AGBL4: variants seen among roughly 807,000 people sequenced by gnomAD.
The protein encoded by AGBL4 is cytosolic carboxypeptidase 6.
In AGBL4, 58 loss-of-function variants were observed where a neutral mutation model predicts 66.4. That is an observed-to-expected ratio of 0.87 (90% CI 0.71 to 1.09). The LOEUF (loss-of-function observed/expected upper bound fraction) is 1.09, where lower values mean the gene tolerates loss of function less well. AGBL4 is among the 50% of genes least tolerant of loss of function. AGBL4 has a pLI of 0.00. For missense variants in AGBL4, 579 were observed against 631.0 expected, an observed-to-expected ratio of 0.92 and a Z score of 0.88; for synonymous variants, 234 against 222.9, an observed-to-expected ratio of 1.05 and a Z score of -0.44.
intron 2 of AGBL4, among the ~76,000 whole-genome samples, chr1:49,749,416 G>A (rs886701385): frequency 1.3e-5 from 2 of 151,940 alleles, no homozygotes; most frequent in East Asian, 3.9e-4. Flanking sequence ...CAAATAAAAG[G>A]CATAAAGATT....
intron 5 of AGBL4, among the ~76,000 whole-genome samples, chr1:49,027,453 G>C (rs1043636297): frequency 6.6e-6 from 1 of 151,958 alleles, no homozygotes; most frequent in South Asian, 2.1e-4. Context: ...ATGAGCCACC[G>C]TGCCCAGCCT....
intron 6 of AGBL4, among the ~76,000 whole-genome samples, chr1:48,830,074 G>A (rs1302197355): frequency 1.3e-5 from 2 of 152,144 alleles, no homozygotes; most frequent in African/African-American, 4.8e-5. Flanking sequence ...TCTTAATGAT[G>A]CAGGCAGAAT....
intron 6 of AGBL4, among the ~76,000 whole-genome samples, chr1:48,670,193 G>T (rs1416464556): frequency 6.6e-6 from 1 of 152,228 alleles, no homozygotes; most frequent in East Asian, 1.9e-4. Flanking sequence ...ATATTAAACT[G>T]CTCTTTTGTC....
chr1:49,532,328 A>G (rs1651203719), intron 3 of AGBL4, among the ~76,000 whole-genome samples: 1 of 152,162 alleles, frequency 6.6e-6, no homozygotes, highest in African/African-American at 2.4e-5. Flanking sequence ...TGATGATTAC[A>G]TAACCCTAAA....
At chr1:49,818,095 A>G (rs1645275881) in intron 2 of AGBL4, among the ~76,000 whole-genome samples, 1 of 152,170 alleles carries the variant, frequency 6.6e-6, no homozygotes, top group Admixed American at 6.5e-5. Context: ...AAATGCAATG[A>G]CATTGATCCA....
intron 6 of AGBL4, among the ~76,000 whole-genome samples, chr1:48,787,043 G>C (rs959419859): frequency 3.3e-5 from 5 of 152,020 alleles, no homozygotes; most frequent in Non-Finnish European, 7.4e-5. Context: ...ATTATTATTA[G>C]CCTCATTTTA....
chr1:48,575,948 C>G (rs1447424440), intron 11 of AGBL4, among the ~76,000 whole-genome samples: 2 of 152,204 alleles, frequency 1.3e-5, no homozygotes, highest in African/African-American at 4.8e-5. Flanking sequence ...TCCAGACCCT[C>G]CCTGTCCTTA....
intron 3 of AGBL4, among the ~76,000 whole-genome samples, chr1:49,609,244 G>GCTT (rs1645112154): frequency 6.6e-6 from 1 of 152,138 alleles, no homozygotes; most frequent in African/African-American, 2.4e-5. Context: ...ACATATGCTA[G>GCTT]CTTCCTGTGT....
At chr1:48,605,314 C>T (rs753616910) in intron 9 of AGBL4, among the ~76,000 whole-genome samples, 1 of 152,208 alleles carries the variant, frequency 6.6e-6, no homozygotes, top group Non-Finnish European at 1.5e-5. Context: ...TCCCCAACCT[C>T]ATTTCCTACT....
chr1:49,153,652 G>C (rs1646379848), intron 4 of AGBL4, among the ~76,000 whole-genome samples: 1 of 151,294 alleles, frequency 6.6e-6, no homozygotes, highest in Non-Finnish European at 1.5e-5. Context: ...CAGAATTCAG[G>C]AGTTTTAGCC....
intron 3 of AGBL4, among the ~76,000 whole-genome samples, chr1:49,453,749 A>G (rs1181293462): frequency 6.6e-6 from 1 of 151,824 alleles, no homozygotes; most frequent in African/African-American, 2.4e-5. Context: ...ATAGAATCAG[A>G]GAGGAGGTAA....
At chr1:49,021,111 A>C (rs1663211125) in intron 5 of AGBL4, among the ~76,000 whole-genome samples, 1 of 152,222 alleles carries the variant, frequency 6.6e-6, no homozygotes, top group African/African-American at 2.4e-5. Flanking sequence ...ACACAGAGGT[A>C]GTCAGTGAAA....
At chr1:48,579,540 C>T (rs1218794586) in intron 11 of AGBL4, among the ~76,000 whole-genome samples, 1 of 151,484 alleles carries the variant, frequency 6.6e-6, no homozygotes, top group Non-Finnish European at 1.5e-5. Flanking sequence ...TGCGCCCAGC[C>T]CCATATTGTT....
rs181312469 is a variant in AGBL4, at chr1:49,307,902, G to A, written c.283-62038C>T. On this transcript the variant is annotated intron_variant, in intron 3 of 13. Coordinates refer to ENST00000371839, the MANE Select transcript of AGBL4 (RefSeq NM_032785.4). ...AACAGACCTGATACAGTTTGGATTTGTGTCCCCACCAAATCACATGCGGAA... is the reference window on the plus strand; with the variant it reads ...AACAGACCTGATACAGTTTGGATTTATGTCCCCACCAAATCACATGCGGAA... Among the ~76,000 whole-genome samples, 7 of 152,214 alleles carry A rather than the reference G, an allele frequency of 4.6e-5. No individual in the cohort carries two copies. In the East Asian group the frequency reaches 1.2e-3, roughly 25 times the overall value.
chr1:49,363,336 G>A (rs945119265), intron 3 of AGBL4, among the ~76,000 whole-genome samples: 8 of 152,128 alleles, frequency 5.3e-5, no homozygotes, highest in South Asian at 2.1e-4. Context: ...AAGTACACAC[G>A]GTTGGCTGGC....
chr1:48,841,759 C>T (rs2148797043), intron 6 of AGBL4, among the ~76,000 whole-genome samples: 2 of 152,178 alleles, frequency 1.3e-5, no homozygotes, highest in Middle Eastern at 6.8e-3. Flanking sequence ...TTGCCAGTTT[C>T]TGCACATTGA....
intron 5 of AGBL4, among the ~76,000 whole-genome samples, chr1:48,885,064 T>TG (rs1400030475): frequency 1.3e-5 from 2 of 151,636 alleles, no homozygotes; most frequent in East Asian, 3.9e-4. Flanking sequence ...CTTGACTGGG[T>TG]GCTGGAAGGC....
chr1:48,979,946 A>C (rs1292582119), intron 5 of AGBL4, among the ~76,000 whole-genome samples: 7 of 152,078 alleles, frequency 4.6e-5, no homozygotes, highest in Non-Finnish European at 8.8e-5. Flanking sequence ...CTAACATACA[A>C]TAGAGTTTTA....
intron 3 of AGBL4, among the ~76,000 whole-genome samples, chr1:49,636,993 G>T (rs896214919): frequency 1.3e-5 from 2 of 152,118 alleles, no homozygotes; most frequent in Non-Finnish European, 2.9e-5. Context: ...CTGCCAGTGC[G>T]GCTAGAATAT....
Sources: allele counts gnomAD v4.1 joint callset (sites outside exome capture counted in the v4.1 genomes callset), GRCh38; gene constraint gnomAD v4.1.1; transcripts MANE v1.5; gene names NCBI Gene and HGNC (gene_info 2026-07-23, HGNC 2026-07-21).